CNTN5: variants seen among roughly 807,000 people sequenced by gnomAD.
CNTN5 encodes contactin-5.
Under a neutral mutation model 129.1 loss-of-function variants are expected in CNTN5, and 77 were observed. That is an observed-to-expected ratio of 0.60 (90% CI 0.50 to 0.72). CNTN5 has a LOEUF of 0.72. CNTN5 is among the 30% of genes least tolerant of loss of function. The probability of loss-of-function intolerance (pLI) is 0.00; values close to 1 mark genes in which losing one functional copy is unlikely to be tolerated. For synonymous variants in CNTN5, 509 were observed against 465.6 expected, an observed-to-expected ratio of 1.09 and a Z score of -1.20; for missense variants, 1,478 against 1,328.8, an observed-to-expected ratio of 1.11 and a Z score of -1.75.
chr11:100,124,134 A>G (rs1416693153), intron 13 of CNTN5, among the ~76,000 whole-genome samples: 1 of 152,012 alleles, frequency 6.6e-6, no homozygotes, highest in Non-Finnish European at 1.5e-5. Context: ...TGAGGGCAGT[A>G]CTGTTATTGT....
chr11:100,295,759 T>C (rs939795312), intron 18 of CNTN5, among the ~76,000 whole-genome samples: 2 of 151,222 alleles, frequency 1.3e-5, no homozygotes, highest in African/African-American at 4.8e-5. Context: ...AAACTTATGA[T>C]CATAGGAATG....
intron 3 of CNTN5, among the ~76,000 whole-genome samples, chr11:99,804,415 A>G (rs1946205907): frequency 6.6e-6 from 1 of 151,896 alleles, no homozygotes; most frequent in Non-Finnish European, 1.5e-5. Flanking sequence ...TTTTTAAACC[A>G]TTTTACTCTT....
chr11:99,536,794 T>C (rs1010276732), intron 2 of CNTN5, among the ~76,000 whole-genome samples: 2 of 136,448 alleles, frequency 1.5e-5, no homozygotes, highest in African/African-American at 5.5e-5. Context: ...CCAATAGAAA[T>C]ACAAAAAGAG....
intron 6 of CNTN5, among the ~76,000 whole-genome samples, chr11:99,912,460 TTTTCTGCA>T (rs1181054444): frequency 6.6e-6 from 1 of 151,948 alleles, no homozygotes; most frequent in Non-Finnish European, 1.5e-5. Flanking sequence ...CCTTTACAGT[TTTTCTGCA>T]TAACCAGTAC....
intron 9 of CNTN5, among the ~76,000 whole-genome samples, chr11:100,047,364 C>A (rs1384756236): frequency 6.6e-6 from 1 of 151,906 alleles, no homozygotes; most frequent in African/African-American, 2.4e-5. Flanking sequence ...AAAAAGATTA[C>A]AAACAAGTTT....
chr11:99,402,714 A>C (rs953529245), intron 2 of CNTN5, among the ~76,000 whole-genome samples: 5 of 152,056 alleles, frequency 3.3e-5, no homozygotes, highest in Non-Finnish European at 7.4e-5. Context: ...GCTTTTCTTT[A>C]CTGGGAGACT....
chr11:99,130,473 T>G (rs1858876181), intron 1 of CNTN5, among the ~76,000 whole-genome samples: 1 of 152,124 alleles, frequency 6.6e-6, no homozygotes. Flanking sequence ...AACAAATCCT[T>G]GAAGACCTAC....
At chr11:99,485,462 C>T (rs960555207) in intron 2 of CNTN5, among the ~76,000 whole-genome samples, 2 of 152,008 alleles carry the variant, frequency 1.3e-5, no homozygotes, top group Admixed American at 6.5e-5. Context: ...AGTATAGGCT[C>T]ATCAATTGTA....
chr11:99,459,877 G>T (rs1565599294), intron 2 of CNTN5, among the ~76,000 whole-genome samples: 1 of 152,066 alleles, frequency 6.6e-6, no homozygotes, highest in East Asian at 1.9e-4. Flanking sequence ...AGAAGTAAAA[G>T]AATGAGATAT....
chr11:99,787,885 C>G (rs1249785783), intron 3 of CNTN5, among the ~76,000 whole-genome samples: 1 of 151,906 alleles, frequency 6.6e-6, no homozygotes, highest in Non-Finnish European at 1.5e-5. Context: ...GCTAACCAGA[C>G]CATATACGGA....
intron 13 of CNTN5, among the ~76,000 whole-genome samples, chr11:100,161,873 A>ACACACACACACACACAC (rs1555025938): frequency 2.5e-5 from 3 of 120,314 alleles, no homozygotes; most frequent in African/African-American, 9.3e-5. Context: ...ACACACACAC[A>ACACACACACACACACAC]AAACAAAAAA....
At chr11:100,060,482 A>C (rs1943418986) in intron 9 of CNTN5, among the ~76,000 whole-genome samples, 1 of 152,046 alleles carries the variant, frequency 6.6e-6, no homozygotes, top group African/African-American at 2.4e-5. Context: ...TGTATTTGCT[A>C]TTTGGCCAGA....
intron 1 of CNTN5, among the ~76,000 whole-genome samples, chr11:99,286,248 C>T (rs966755980): frequency 6.6e-6 from 1 of 152,148 alleles, no homozygotes; most frequent in Non-Finnish European, 1.5e-5. Context: ...ATGTGTTACA[C>T]ACACAACTTT....
intron 3 of CNTN5, among the ~76,000 whole-genome samples, chr11:99,756,229 C>T (rs969529205): frequency 2.0e-5 from 3 of 151,992 alleles, no homozygotes; most frequent in Non-Finnish European, 4.4e-5. Context: ...CAGAATAGAC[C>T]TTGTAAAGAT....
At chr11:99,767,894 A>G (rs922522253) in intron 3 of CNTN5, among the ~76,000 whole-genome samples, 2 of 152,104 alleles carry the variant, frequency 1.3e-5, no homozygotes, top group African/African-American at 2.4e-5. Flanking sequence ...AAATATTTTC[A>G]AAACAAAAAA....
chr11:100,137,784 A>G (rs1946573282), intron 13 of CNTN5, among the ~76,000 whole-genome samples: 1 of 152,174 alleles, frequency 6.6e-6, no homozygotes, highest in Non-Finnish European at 1.5e-5. Flanking sequence ...TACATTATAA[A>G]AAGTACTTTA....
intron 13 of CNTN5, among the ~76,000 whole-genome samples, chr11:100,090,710 T>C (rs1043603799): frequency 4.6e-5 from 7 of 151,892 alleles, no homozygotes; most frequent in African/African-American, 1.7e-4. Context: ...TTTCACTGTG[T>C]CCTTACATGG....
At chr11:100,323,012 T>C (rs1456049343) in intron 21 of CNTN5, among the ~76,000 whole-genome samples, 3 of 152,198 alleles carry the variant, frequency 2.0e-5, no homozygotes, top group African/African-American at 4.8e-5. Flanking sequence ...ATTATATTGT[T>C]TCACAGAACA....
At chr11:99,187,406 AATTAATACAAATTACAATTTGTTAT>A (rs536845999) in intron 1 of CNTN5, among the ~76,000 whole-genome samples, 13,996 of 151,588 alleles carry the variant, frequency 0.092, 693 homozygotes, top group African/African-American at 0.12. Context: ...ACAATTTACA[AATTAATACAAATTACAATTTGTTAT>A]ATTAATACAA....
Sources: gnomAD v4.1 joint callset for allele counts (sites outside exome capture counted in the v4.1 genomes callset) on GRCh38, gnomAD v4.1.1 for gene constraint, MANE v1.5 for transcripts, NCBI Gene and HGNC (gene_info 2026-07-23, HGNC 2026-07-21) for gene names.